Variants in DDI2 observed in about 807,000 individuals in gnomAD.
DDI2 encodes the protein DDI proteasomal shuttling factor 2.
A neutral mutation model predicts 48.1 loss-of-function variants in DDI2; 5 were observed. That is an observed-to-expected ratio of 0.10 (90% CI 0.05 to 0.22). The LOEUF (loss-of-function observed/expected upper bound fraction) is 0.22. Among genes scored for constraint, DDI2 ranks in the 10% least tolerant of loss-of-function variants. The probability of loss-of-function intolerance (pLI) is 1.00; values close to 1 mark genes in which losing one functional copy is unlikely to be tolerated. For synonymous variants in DDI2, 205 were observed against 183.6 expected (o/e 1.12, Z -0.94); for missense variants, 285 against 506.2 (o/e 0.56, Z 4.19).
chr1:15,623,096 A>G (rs1639695591), intron 1 of DDI2, among the ~76,000 whole-genome samples: 1 of 152,210 alleles, frequency 6.6e-6, no homozygotes, highest in Non-Finnish European at 1.5e-5. Context: ...ATATTGTGGC[A>G]ACTAAGCAGT....
chr1:15,652,058 CTTTT>C (rs772990709), intron 8 of DDI2, among the ~76,000 whole-genome samples, 163 bp downstream of exon 8: 3,372 of 75,882 alleles, frequency 0.044, 31 homozygotes, highest in South Asian at 0.067. Flanking sequence ...TTTGATCTTC[CTTTT>C]TTTTTTTTTT....
At chr1:15,642,276 G>A (rs567393812) in intron 5 of DDI2, among the ~76,000 whole-genome samples, 6 of 152,254 alleles carry the variant, frequency 3.9e-5, no homozygotes, top group African/African-American at 1.4e-4. Context: ...AGGCCAACCC[G>A]CCGTGTACAT....
chr1:15,632,051 G>A (rs913347217), intron 3 of DDI2, among the ~76,000 whole-genome samples: 22 of 151,732 alleles, frequency 1.4e-4, no homozygotes, highest in Admixed American at 7.9e-4. Flanking sequence ...TGATCCACCC[G>A]TCTCGGCTTC....
intron 6 of DDI2, among the ~76,000 whole-genome samples, chr1:15,649,061 C>CA (rs1640134953): frequency 6.6e-6 from 1 of 152,022 alleles, no homozygotes; most frequent in African/African-American, 2.4e-5. Flanking sequence ...TAGCGAGACT[C>CA]AATCTCTACA....
rs74588364 is a variant in DDI2, at chr1:15,645,217, G to A, written c.889+1567G>A. Among the ~76,000 whole-genome samples the A allele has an allele frequency of 2.0e-5, 3 of 152,330 alleles. No individual in the cohort carries two copies. In the East Asian group the frequency reaches 5.8e-4, roughly 29 times the overall value. ...TTCTTTTTCTTCTTTGAAGCTTGTA[G>A]ATCTTCCCTTTGACCTCAGTGTTTT... On this transcript the variant is annotated intron_variant, in intron 6 of 9. Transcript: ENST00000480945.
intron 5 of DDI2, 96 bp downstream of exon 5, chr1:15,638,530 C>CTTTT (rs775059343): frequency 6.4e-4 from 368 of 572,750 alleles, no homozygotes; most frequent in Middle Eastern, 1.9e-3. Context: ...GATGGCTGTA[C>CTTTT]TTTTTTTTTT....
Position 15,651,836 on chromosome 1 carries a change from C to T in DDI2, c.1124C>T (p.Pro375Leu), listed in dbSNP as rs150526409. The change falls in exon 8 of 10, where the codon CCA becomes CTA. Residue 375 changes from proline to leucine, a missense_variant. Coordinates refer to ENST00000480945, the MANE Select transcript of DDI2 (RefSeq NM_032341.5). ...AYGAGREDVRPEEIADQELAE... is the reference protein window; with the variant it reads ...AYGAGREDVRLEEIADQELAE... ...GGGGCTGGAAGAGAGGATGTACGGC[C>T]AGAGGAGATTGCAGACCAAGAATTA... 358 of 1,613,904 alleles carry T rather than the reference C, an allele frequency of 2.2e-4. 2 individuals are homozygous for T. The East Asian group carries it at 7.2e-3, about 32-fold the overall frequency.
At chr1:15,622,314 G>C (rs1302976912) in intron 1 of DDI2, among the ~76,000 whole-genome samples, 2 of 151,496 alleles carry the variant, frequency 1.3e-5, no homozygotes, top group African/African-American at 4.9e-5. Context: ...GTGAGCCACT[G>C]CACCTGGCCT....
chr1:15,659,255 AGACTTC>A (rs1640319734), intron 9 of DDI2, among the ~76,000 whole-genome samples: 1 of 152,224 alleles, frequency 6.6e-6, no homozygotes, highest in Non-Finnish European at 1.5e-5. Flanking sequence ...ACCTGGTTTA[AGACTTC>A]TCATTTGTAA....
intron 5 of DDI2, among the ~76,000 whole-genome samples, chr1:15,641,958 A>ATG: frequency 1.4e-5 from 1 of 71,934 alleles, no homozygotes; most frequent in African/African-American, 7.6e-5. Context: ...TCAGTCTCAA[A>ATG]AAAAAAAAAA....
intron 8 of DDI2, among the ~76,000 whole-genome samples, chr1:15,652,552 G>A (rs1011788767): frequency 9.3e-5 from 14 of 150,146 alleles, no homozygotes; most frequent in East Asian, 2.0e-4. Context: ...GGCCAGGCGC[G>A]GTGGCTCACG....
At chr1:15,622,164 G>T (rs1313786561) in intron 1 of DDI2, among the ~76,000 whole-genome samples, 1 of 149,716 alleles carries the variant, frequency 6.7e-6, no homozygotes, top group Non-Finnish European at 1.5e-5. Flanking sequence ...TCCTCAACAT[G>T]TTGGGGTCAA....
At chr1:15,641,042 T>C (rs1346141524) in intron 5 of DDI2, among the ~76,000 whole-genome samples, 3 of 152,190 alleles carry the variant, frequency 2.0e-5, no homozygotes, top group African/African-American at 7.2e-5. Flanking sequence ...GTAGTTAGAA[T>C]GTACGGCTGG....
rs1361349123 is a variant in DDI2 at position 15,667,829 on chromosome 1, T to A, written c.*8039T>A. ...GGTTTATCAGTTATGTATTGATGAT[T>A]GGTAATCTAGACCCTCTGGAGGCTG... is the stretch of plus-strand genomic sequence containing the variant. On this transcript the variant is annotated 3_prime_UTR_variant, in exon 10 of 10. Coordinates refer to ENST00000480945, the MANE Select transcript of DDI2 (RefSeq NM_032341.5). The A allele has an allele frequency of 6.6e-6, 1 of 152,214 alleles. No individual in the cohort carries two copies. Among genetic ancestry groups the A allele is most frequent in the African/African-American group, 2.4e-5 (1 of 41,436 alleles). 9.4% of individuals were successfully genotyped at this position (152,214 alleles called of 1,614,324 possible).
In DDI2 at chr1:15,633,701, T is replaced by C. The variant is rs1314819728; in HGVS notation, c.632+136T>C. 3.1e-6 allele frequency: 4 copies of C among 1,282,154 alleles called. No individual in the cohort carries two copies. In the South Asian group the frequency reaches 3.6e-5, roughly 11 times the overall value. The allele number at this position is 1,282,154 out of a possible 1,614,324, so 79.4% of individuals were successfully genotyped here. Reference sequence around the variant, plus strand: ...AGTTGAGATAGTAACCTCAGTCTTTTAGGTTAGTCTCTCCTCTTTCATTTT... The same window carrying C: ...AGTTGAGATAGTAACCTCAGTCTTTCAGGTTAGTCTCTCCTCTTTCATTTT... On this transcript the variant is annotated intron_variant, in intron 4 of 9. Transcript: ENST00000480945.
At position 15,661,450 on chromosome 1, in the gene DDI2, A is replaced by G. The variant is rs540216336; in HGVS notation, c.*1660A>G. The stretch of plus-strand genomic sequence containing the variant: ...ATTGGTTAAAGACTTAGGTCAGGGC[A>G]TACAGAATTCAGTAACAGACAGGCC... On this transcript the variant is annotated 3_prime_UTR_variant, in exon 10 of 10. Coordinates refer to ENST00000480945, the MANE Select transcript of DDI2 (RefSeq NM_032341.5). 5.6e-6 allele frequency: 9 copies of G among 1,614,008 alleles called. No individual in the cohort carries two copies. In the African/African-American group the frequency reaches 1.2e-4, roughly 22 times the overall value.
intron 6 of DDI2, among the ~76,000 whole-genome samples, chr1:15,645,445 CTT>C (rs931361022): frequency 1.2e-4 from 19 of 152,330 alleles, no homozygotes; most frequent in African/African-American, 4.6e-4. Context: ...GTTTTCTTCT[CTT>C]TTGTTTTTCT....
chr1:15,652,813 A>G (rs1026685889), intron 8 of DDI2, among the ~76,000 whole-genome samples: 5 of 145,816 alleles, frequency 3.4e-5, no homozygotes, highest in Non-Finnish European at 6.0e-5. Context: ...AGAGAGCGAG[A>G]CTCCATCTCA....
chr1:15,633,835 A>C (rs758535881), intron 4 of DDI2: 12 of 480,774 alleles, frequency 2.5e-5, no homozygotes, highest in South Asian at 1.8e-4. Flanking sequence ...ATCATAACAC[A>C]GCTTTAGATA....
Sources: allele counts gnomAD v4.1 joint callset (sites outside exome capture counted in the v4.1 genomes callset), GRCh38; gene constraint gnomAD v4.1.1; transcripts MANE v1.5; gene names NCBI Gene and HGNC (gene_info 2026-07-23, HGNC 2026-07-21).